PPP5C: variants seen among roughly 807,000 people sequenced by gnomAD.
The protein encoded by PPP5C is serine/threonine-protein phosphatase 5.
A neutral mutation model predicts 66.7 loss-of-function variants in PPP5C; 21 were observed. The ratio of observed to expected loss-of-function variants is 0.31; its 90% CI spans 0.22 to 0.45. The LOEUF (loss-of-function observed/expected upper bound fraction) is 0.45, where lower values mean the gene tolerates loss of function less well. Among genes scored for constraint, PPP5C ranks in the 20% least tolerant of loss-of-function variants. The pLI, the probability that PPP5C is intolerant of heterozygous loss-of-function variation, is 1.00. For missense variants in PPP5C, 464 were observed against 675.9 expected, an observed-to-expected ratio of 0.69 and a Z score of 3.48; for synonymous variants, 246 against 257.4, an observed-to-expected ratio of 0.96 and a Z score of 0.43.
At position 46,383,886 on chromosome 19, in the gene PPP5C, T is replaced by C; in HGVS notation, c.798+8T>C. ...TCGGAGACCAACCCCTATGTATCCT[T>C]CTCAGCAGAGCCACCCTCTCCCCAC... is the stretch of plus-strand genomic sequence containing the variant. On this transcript the variant is annotated splice_region_variant and intron_variant, in intron 6 of 12. Transcript: ENST00000012443. The surrounding 1 kb of genome is among the most constrained non-coding windows in gnomAD (Gnocchi z 5.0). 1 of 1,600,990 alleles carries C rather than the reference T, an allele frequency of 6.2e-7. No homozygotes were observed. The highest frequency in any genetic ancestry group is 1.3e-5 in the African/African-American group (1 of 74,684).
Position 46,376,665 on chromosome 19 carries a change from A to C in PPP5C, c.633+91A>C. 6.5e-7 allele frequency: 1 copy of C among 1,533,214 alleles called. No homozygotes were observed. Among genetic ancestry groups the C allele is most frequent in the Non-Finnish European group, 8.8e-7 (1 of 1,132,564 alleles). 95.0% of individuals were successfully genotyped at this position (1,533,214 alleles called of 1,614,324 possible). On this transcript the variant is annotated intron_variant, in intron 4 of 12. Transcript: ENST00000012443. This position sits in a 1 kb window ranked among gnomAD's most constrained non-coding sequence, Gnocchi z 5.1. ...CGGGCACTGAGCAAAACGACAGGAG[A>C]AGGGCGGCCATGACAGCCAACACCA...
chr19:46,389,517 T>G (rs532304714), intron 11 of PPP5C, among the ~76,000 whole-genome samples: 73 of 150,764 alleles, frequency 4.8e-4, no homozygotes, highest in East Asian at 2.9e-3. Context: ...TCCTGGTCTC[T>G]CCTAAGTGTC....
intron 4 of PPP5C, among the ~76,000 whole-genome samples, chr19:46,380,324 GAAAA>G (rs201438915): frequency 7.4e-6 from 1 of 135,602 alleles, no homozygotes; most frequent in Non-Finnish European, 1.6e-5. Context: ...CATCTCAAAA[GAAAA>G]AAAAAAAAAG....
At position 46,363,320 on chromosome 19, in the gene PPP5C, A is replaced by C. The variant is rs1233401667; in HGVS notation, c.363+9331A>C. Among the ~76,000 whole-genome samples, 102 of 55,516 alleles carry C rather than the reference A, an allele frequency of 1.8e-3. 6 individuals carry two copies. The highest frequency in any genetic ancestry group is 3.9e-3 in the African/African-American group (93 of 23,930). 36.4% of individuals were successfully genotyped at this position (55,516 alleles called of 152,430 possible). A position where few individuals can be genotyped will look rare whatever the true frequency, so the allele number is the denominator to read the frequency against. ...GAGACTCCATCTCAAAAAAAAAAAA[A>C]AAAAAAAAAAAAAAAAAAAAAAAAA... On this transcript the variant is annotated intron_variant, in intron 2 of 12. Coordinates refer to ENST00000012443, the MANE Select transcript of PPP5C (RefSeq NM_006247.4).
chr19:46,377,630 G>A (rs1972718813), intron 4 of PPP5C, among the ~76,000 whole-genome samples: 1 of 152,200 alleles, frequency 6.6e-6, no homozygotes, highest in African/African-American at 2.4e-5. Flanking sequence ...CAACCAGAAA[G>A]CTCCCTTTGA....
chr19:46,351,952 G>C (rs532954583), intron 1 of PPP5C, among the ~76,000 whole-genome samples: 2 of 152,234 alleles, frequency 1.3e-5, no homozygotes, highest in African/African-American at 4.8e-5. Flanking sequence ...AGGAGTTGGC[G>C]TGGCAAAGAG....
At chr19:46,347,600 TG>T (rs1907591933) in intron 1 of PPP5C, among the ~76,000 whole-genome samples, 1 of 41,380 alleles carries the variant, frequency 2.4e-5, no homozygotes, top group African/African-American at 1.0e-4. Context: ...TGCCGCCAAG[TG>T]GGGGGTAGAG....
At chr19:46,373,848 GGA>G (rs1568572176) in intron 2 of PPP5C, among the ~76,000 whole-genome samples, 1 of 152,186 alleles carries the variant, frequency 6.6e-6, no homozygotes, top group Non-Finnish European at 1.5e-5. Context: ...CCTAGAGGAG[GGA>G]TCAGTGGGGC....
chr19:46,371,906 C>A (rs549099337), intron 2 of PPP5C, among the ~76,000 whole-genome samples: 42 of 152,238 alleles, frequency 2.8e-4, no homozygotes, highest in Non-Finnish European at 4.9e-4. Context: ...ACTGTGGGTC[C>A]ACTCCATGTG....
chr19:46,387,074 C>T lies in PPP5C; in HGVS notation c.905-19C>T. Reference sequence around the variant, plus strand: ...GTACCTGGAGGCTGAGCTTTCTCTTCTGTCCCCGTGTTGGCCAGGCAACCA... The same window carrying T: ...GTACCTGGAGGCTGAGCTTTCTCTTTTGTCCCCGTGTTGGCCAGGCAACCA... On this transcript the variant is annotated intron_variant, in intron 7 of 12. Transcript: ENST00000012443. 1 of 1,614,180 alleles carries T rather than the reference C, an allele frequency of 6.2e-7. No individual in the cohort carries two copies.
intron 1 of PPP5C, among the ~76,000 whole-genome samples, chr19:46,348,344 G>A (rs1425160669): frequency 1.0e-5 from 1 of 97,266 alleles, no homozygotes; most frequent in African/African-American, 3.8e-5. Context: ...CGGGAGTTTT[G>A]CTCTTTTTGC....
rs932458816 is a variant in PPP5C at position 46,379,911 on chromosome 19, G to T, written c.633+3337G>T. Among the ~76,000 whole-genome samples, 27 of 152,228 alleles carry T rather than the reference G, an allele frequency of 1.8e-4. 1 individual carries two copies. In the South Asian group the frequency reaches 5.4e-3, roughly 30 times the overall value. The stretch of plus-strand genomic sequence containing the variant: ...TTTTTGTGGGGCTTAATCATTTCCC[G>T]GAACCCTGGATGAAAAAGGCTGCTC... On this transcript the variant is annotated intron_variant, in intron 4 of 12. Transcript: ENST00000012443.
At chr19:46,365,032 G>T (rs1287509951) in intron 2 of PPP5C, among the ~76,000 whole-genome samples, 1 of 152,102 alleles carries the variant, frequency 6.6e-6, no homozygotes, top group Non-Finnish European at 1.5e-5. Flanking sequence ...ACCCAGCCTG[G>T]GGTGCAGTGG....
chr19:46,351,886 G>C (rs977738481), intron 1 of PPP5C, among the ~76,000 whole-genome samples: 2 of 152,256 alleles, frequency 1.3e-5, no homozygotes, highest in African/African-American at 4.8e-5. Context: ...GACCCAGCCT[G>C]GGAGTAAAGG....
chr19:46,389,403 A>AGTGTTGAGTAAGACTCCATCT, intron 11 of PPP5C, among the ~76,000 whole-genome samples: 2 of 26,116 alleles, frequency 7.7e-5, no homozygotes, highest in African/African-American at 2.2e-4. Context: ...ACACACACAC[A>AGTGTTGAGTAAGACTCCATCT]CACACACACA....
At chr19:46,380,705 T>C (rs1044642150) in intron 4 of PPP5C, among the ~76,000 whole-genome samples, 1 of 152,248 alleles carries the variant, frequency 6.6e-6, no homozygotes, top group African/African-American at 2.4e-5. Context: ...GTTGACATTG[T>C]TTCTTTCAAG....
At chr19:46,362,727 G>C (rs12609278) in intron 2 of PPP5C, among the ~76,000 whole-genome samples, 18,311 of 151,972 alleles carry the variant, frequency 0.12, 1,649 homozygotes, top group East Asian at 0.39. Context: ...CTTAAAGTTA[G>C]ATACATACAT....
intron 2 of PPP5C, among the ~76,000 whole-genome samples, chr19:46,355,881 G>T (rs1169248380): frequency 6.6e-6 from 1 of 152,070 alleles, no homozygotes; most frequent in African/African-American, 2.4e-5. Flanking sequence ...CAGGTTTAGG[G>T]CAGGGTCTTC....
intron 2 of PPP5C, among the ~76,000 whole-genome samples, chr19:46,363,336 A>AAAAAAC (rs1972431386): frequency 1.2e-5 from 1 of 85,982 alleles, no homozygotes; most frequent in African/African-American, 4.2e-5. Context: ...AAAAAAAAAA[A>AAAAAAC]AAAAAAAAAA....
Sources: gnomAD v4.1 joint callset for allele counts (sites outside exome capture counted in the v4.1 genomes callset) on GRCh38, gnomAD v4.1.1 for gene constraint, Gnocchi (gnomAD v3.1) non-coding constraint, MANE v1.5 for transcripts, NCBI Gene and HGNC (gene_info 2026-07-23, HGNC 2026-07-21) for gene names.